MTMR12: variants seen among roughly 807,000 people sequenced by gnomAD.
The protein encoded by MTMR12 is myotubularin-related protein 12.
Under a neutral mutation model 96.7 loss-of-function variants are expected in MTMR12, and 33 were observed. The observed-to-expected ratio is 0.34, with a 90% confidence interval of 0.26 to 0.46. MTMR12 has a LOEUF of 0.46. Ranked by LOEUF, MTMR12 falls within the 20% of genes least tolerant of loss-of-function variation. The pLI is 1.00. For synonymous variants in MTMR12, 298 were observed against 327.2 expected (o/e 0.91, Z 0.96); for missense variants, 721 against 896.1 (o/e 0.80, Z 2.49).
At chr5:32,235,721 T>G (rs1748202858) in intron 13 of MTMR12, among the ~76,000 whole-genome samples, 1 of 152,204 alleles carries the variant, frequency 6.6e-6, no homozygotes, top group African/African-American at 2.4e-5. Flanking sequence ...AAAGTGAGTT[T>G]CAAAATGTTT....
chr5:32,247,342 A>C (rs1748732994), intron 10 of MTMR12, among the ~76,000 whole-genome samples: 2 of 152,136 alleles, frequency 1.3e-5, no homozygotes, highest in Admixed American at 1.3e-4. Context: ...CAGAGGTGAC[A>C]CCCTGTCTCA....
At chr5:32,274,537 G>A (rs1019172005) in intron 2 of MTMR12, among the ~76,000 whole-genome samples, 5 of 152,076 alleles carry the variant, frequency 3.3e-5, no homozygotes, top group African/African-American at 9.7e-5. Context: ...CTAAAAAAAC[G>A]CAGATCCCAA....
chr5:32,250,993 ATCT>A (rs985841582), intron 8 of MTMR12, among the ~76,000 whole-genome samples: 16 of 151,886 alleles, frequency 1.1e-4, no homozygotes, highest in African/African-American at 3.4e-4. Context: ...CAGTTTGTTA[ATCT>A]TATTTGTTTT....
At chr5:32,252,103 T>A (rs371016778) in intron 8 of MTMR12, among the ~76,000 whole-genome samples, 1 of 152,082 alleles carries the variant, frequency 6.6e-6, no homozygotes, top group Non-Finnish European at 1.5e-5. Flanking sequence ...TATTCATTTG[T>A]CCCAGAGGAA....
chr5:32,276,999 T>C (rs532001906), intron 1 of MTMR12, among the ~76,000 whole-genome samples: 1 of 148,934 alleles, frequency 6.7e-6, no homozygotes, highest in South Asian at 2.2e-4. Flanking sequence ...GATTCTCCTG[T>C]CTCAGCCTCC....
In MTMR12 at chr5:32,239,019, G is replaced by A; in HGVS notation, c.1326C>T (p.Arg442=). 1.2e-6 allele frequency: 2 copies of A among 1,600,020 alleles called. No homozygotes were observed. The highest frequency in any genetic ancestry group is 1.7e-6 in the Non-Finnish European group (2 of 1,171,918). Reference sequence around the variant, plus strand: ...AACTCACCTCCTCTTTGTCGTTCTGGCGGAGATGGTTGCAGCGATCCAAGA... The same window carrying A: ...AACTCACCTCCTCTTTGTCGTTCTGACGGAGATGGTTGCAGCGATCCAAGA... The part of the protein sequence containing the change: ...HCFLDRCNHL[R]QNDKEEVPVF... The change falls in exon 13 of 16, where the codon CGC becomes CGT. Residue 442 remains arginine (R), a synonymous_variant. Transcript: ENST00000382142.
Position 32,297,529 on chromosome 5 carries a change from C to T in MTMR12, c.81+15229G>A, listed in dbSNP as rs553526315. On this transcript the variant is annotated intron_variant, in intron 1 of 15. Transcript: ENST00000382142. ...TAAATCCTTTTCTTCACATTTAGAC[C>T]CTGCTTTTTTCCTGACCTCAGGTTT... 3.6e-3 allele frequency among the ~76,000 whole-genome samples: 544 copies of T among 151,314 alleles called. 4 individuals carry two copies. The highest frequency in any genetic ancestry group is 0.013 in the African/African-American group (523 of 41,240).
chr5:32,244,087 C>G (rs1027607607), intron 10 of MTMR12, among the ~76,000 whole-genome samples: 2 of 152,102 alleles, frequency 1.3e-5, no homozygotes, highest in African/African-American at 4.8e-5. Context: ...AAACAGAGAA[C>G]CTTAAATCTT....
At chr5:32,273,471 G>C (rs761269203) in intron 3 of MTMR12, among the ~76,000 whole-genome samples, 1 of 152,192 alleles carries the variant, frequency 6.6e-6, no homozygotes, top group Non-Finnish European at 1.5e-5. Context: ...CTCAGTTCCT[G>C]GGTTTAAGGA....
chr5:32,243,853 T>C (rs1057485293), intron 10 of MTMR12, among the ~76,000 whole-genome samples: 1 of 152,208 alleles, frequency 6.6e-6, no homozygotes, highest in African/African-American at 2.4e-5. Flanking sequence ...ATTCCTACAA[T>C]GCATACACAA....
chr5:32,300,607 T>A (rs938465167), intron 1 of MTMR12, among the ~76,000 whole-genome samples: 1 of 152,164 alleles, frequency 6.6e-6, no homozygotes, highest in South Asian at 2.1e-4. Flanking sequence ...GCCACCCAGA[T>A]TACATCTGCC....
At position 32,244,187 on chromosome 5, in the gene MTMR12, G is replaced by C. The variant is rs528559809; in HGVS notation, c.1022-588C>G. Among the ~76,000 whole-genome samples the C allele has an allele frequency of 2.0e-5, 3 of 151,924 alleles. No homozygotes were observed. The South Asian group carries it at 6.3e-4, about 32-fold the overall frequency. ...CCCAGCACTATAATCCCAGAAGCAGGAAGATCACTTGAGGCCAGGAGTTTG... is the reference window on the plus strand; with the variant it reads ...CCCAGCACTATAATCCCAGAAGCAGCAAGATCACTTGAGGCCAGGAGTTTG... On this transcript the variant is annotated intron_variant, in intron 10 of 15. Transcript: ENST00000382142.
At chr5:32,272,721 T>A (rs1441632301) in intron 3 of MTMR12, among the ~76,000 whole-genome samples, 1 of 152,128 alleles carries the variant, frequency 6.6e-6, no homozygotes, top group African/African-American at 2.4e-5. Flanking sequence ...AAACCCACCA[T>A]GCCACACACA....
rs1156485440 is a variant in MTMR12, at chr5:32,228,544, TCA to T, written c.*1232_*1233del. On this transcript the variant is annotated 3_prime_UTR_variant, in exon 16 of 16. Transcript: ENST00000382142. ...ATATATCATATATATGATATATATA[TCA>T]TATATATGTGATATATATATATCAT... 6 of 140,286 alleles carry T rather than the reference TCA, an allele frequency of 4.3e-5. 1 individual carries two copies. The Admixed American group carries it at 4.4e-4, about 10-fold the overall frequency. The allele number at this position is 140,286 out of a possible 1,614,324, so 8.7% of individuals were successfully genotyped here.
intron 6 of MTMR12, among the ~76,000 whole-genome samples, chr5:32,263,541 G>A (rs1339929420): frequency 6.6e-6 from 1 of 151,508 alleles, no homozygotes; most frequent in Non-Finnish European, 1.5e-5. Flanking sequence ...AGGTTAAAGT[G>A]ATTCTCCCGC....
chr5:32,241,207 C>T (rs990111036), intron 12 of MTMR12, among the ~76,000 whole-genome samples: 1 of 152,152 alleles, frequency 6.6e-6, no homozygotes, highest in Admixed American at 6.5e-5. Context: ...CTGGTTAGGT[C>T]TTTTTCAATA....
At chr5:32,311,239 C>T (rs1330323674) in intron 1 of MTMR12, among the ~76,000 whole-genome samples, 2 of 152,132 alleles carry the variant, frequency 1.3e-5, no homozygotes, top group Non-Finnish European at 2.9e-5. Flanking sequence ...TTTAAAAAGA[C>T]ACAAAGAGAA....
In MTMR12 at chr5:32,276,541, C is replaced by A. The variant is rs1052114262; in HGVS notation, c.142+141G>T. 1.6e-5 allele frequency: 11 copies of A among 685,894 alleles called. No homozygotes were observed. In the African/African-American group the frequency reaches 1.6e-4, roughly 10 times the overall value. The allele number at this position is 685,894 out of a possible 1,614,324, so 42.5% of individuals were successfully genotyped here. On this transcript the variant is annotated intron_variant, in intron 2 of 15. Transcript: ENST00000382142. ...GGTGTGTAGTTATTGAACTACAAAC[C>A]TTGATATGTTTTTTCAATTCATTAC... is the stretch of plus-strand genomic sequence containing the variant.
chr5:32,239,520 C>T (rs991051683), intron 12 of MTMR12, among the ~76,000 whole-genome samples: 2 of 152,214 alleles, frequency 1.3e-5, no homozygotes, highest in Admixed American at 1.3e-4. Flanking sequence ...ATAATGATGA[C>T]CTGCCAGGCT....
Sources: gnomAD v4.1 joint callset for allele counts (sites outside exome capture counted in the v4.1 genomes callset) on GRCh38, gnomAD v4.1.1 for gene constraint, MANE v1.5 for transcripts, NCBI Gene and HGNC (gene_info 2026-07-23, HGNC 2026-07-21) for gene names.